ANK3: variants seen among roughly 807,000 people sequenced by gnomAD.
The protein encoded by ANK3 is ankyrin 3, also known as ankyrin-3.
A neutral mutation model predicts 370.9 loss-of-function variants in ANK3; 57 were observed. That is an observed-to-expected ratio of 0.15 (90% CI 0.12 to 0.19). ANK3 has a LOEUF of 0.19. Ranked by LOEUF, ANK3 falls within the 10% of genes least tolerant of loss-of-function variation. The probability of loss-of-function intolerance (pLI) is 1.00; values close to 1 mark genes in which losing one functional copy is unlikely to be tolerated. For missense variants in ANK3, 4,439 were observed against 5,302.1 expected, an observed-to-expected ratio of 0.84 and a Z score of 5.06; for synonymous variants, 1,929 against 1,946.3, an observed-to-expected ratio of 0.99 and a Z score of 0.23.
chr10:60,300,866 C>A (rs1224123615), intron 1 of ANK3, among the ~76,000 whole-genome samples: 2 of 152,020 alleles, frequency 1.3e-5, no homozygotes, highest in Non-Finnish European at 2.9e-5. Context: ...TAATTTCCTT[C>A]TCTGTATTAG....
intron 2 of ANK3, among the ~76,000 whole-genome samples, chr10:60,461,587 G>A (rs1324033926): frequency 7.2e-5 from 11 of 152,094 alleles, no homozygotes; most frequent in Admixed American, 7.2e-4. Context: ...TCGTCTAGGT[G>A]TATGCCCTGA....
intron 6 of ANK3, among the ~76,000 whole-genome samples, chr10:60,262,890 G>T (rs1292628887): frequency 6.6e-6 from 1 of 152,154 alleles, no homozygotes. Context: ...AAGAGTCAAG[G>T]ATTCCTCATC....
intron 1 of ANK3, among the ~76,000 whole-genome samples, chr10:60,616,666 T>A (rs1277185161): frequency 1.3e-5 from 2 of 152,042 alleles, no homozygotes; most frequent in Non-Finnish European, 2.9e-5. Flanking sequence ...ACAAAAATCT[T>A]GACTTTACAT....
At chr10:60,224,461 G>A (rs74730857) in intron 8 of ANK3, among the ~76,000 whole-genome samples, 6,390 of 152,050 alleles carry the variant, frequency 0.042, 450 homozygotes, top group African/African-American at 0.14. Context: ...AAGACTTTCC[G>A]GTCTGATTTT....
In ANK3 at chr10:60,620,732, G is replaced by T. The variant is rs1010680087; in HGVS notation, c.58-5508C>A. Reference sequence around the variant, plus strand: ...TTGCTTTTTGTTCTTCTTTGAAGTGGCTTTTTTGTATTTAGCAATAACGCT... The same window carrying T: ...TTGCTTTTTGTTCTTCTTTGAAGTGTCTTTTTTGTATTTAGCAATAACGCT... On this transcript the variant is annotated intron_variant, in intron 1 of 43. Transcript: ENST00000373827. 2.6e-5 allele frequency among the ~76,000 whole-genome samples: 4 copies of T among 152,172 alleles called. No individual in the cohort carries two copies. In the South Asian group the frequency reaches 8.3e-4, roughly 32 times the overall value.
At chr10:60,708,439 T>A (rs2079650453) in intron 1 of ANK3, among the ~76,000 whole-genome samples, 1 of 152,162 alleles carries the variant, frequency 6.6e-6, no homozygotes, top group Admixed American at 6.5e-5. Flanking sequence ...ACATAAGCCC[T>A]GAAGAATGAG....
intron 2 of ANK3, among the ~76,000 whole-genome samples, chr10:60,556,356 G>A (rs2077207035): frequency 6.6e-6 from 1 of 151,904 alleles, no homozygotes; most frequent in South Asian, 2.1e-4. Context: ...TGGAACAGTT[G>A]ACATGTTGTG....
chr10:60,671,277 C>A (rs1335264164), intron 1 of ANK3, among the ~76,000 whole-genome samples: 1 of 152,198 alleles, frequency 6.6e-6, no homozygotes, highest in Non-Finnish European at 1.5e-5. Flanking sequence ...ATTTCAGTCA[C>A]CTTGGCCTCC....
intron 2 of ANK3, among the ~76,000 whole-genome samples, chr10:60,555,329 T>C (rs1458253967): frequency 6.6e-6 from 1 of 151,722 alleles, no homozygotes; most frequent in Non-Finnish European, 1.5e-5. Flanking sequence ...TAAAATTAGC[T>C]GGATGTGGTG....
At chr10:60,540,238 G>A (rs760943211) in intron 2 of ANK3, among the ~76,000 whole-genome samples, 2 of 151,884 alleles carry the variant, frequency 1.3e-5, no homozygotes, top group Middle Eastern at 3.4e-3. Flanking sequence ...TTGATGGGTC[G>A]AGATAATTGA....
At chr10:60,600,327 A>G (rs55849269) in intron 2 of ANK3, among the ~76,000 whole-genome samples, 18,461 of 152,168 alleles carry the variant, frequency 0.12, 1,586 homozygotes, top group East Asian at 0.27. Flanking sequence ...TCCTAATTCC[A>G]GATTTTGCTG....
At chr10:60,496,527 C>T (rs1938536) in intron 2 of ANK3, among the ~76,000 whole-genome samples, 17,442 of 151,506 alleles carry the variant, frequency 0.12, 1,127 homozygotes, top group South Asian at 0.17. Context: ...CATAACATTT[C>T]GTCTCTGGGG....
chr10:60,106,747 A>G (rs988148126), intron 27 of ANK3, among the ~76,000 whole-genome samples: 3 of 152,184 alleles, frequency 2.0e-5, no homozygotes, highest in Non-Finnish European at 4.4e-5. Flanking sequence ...TCCTTTTGCA[A>G]AGGAATGTAA....
intron 36 of ANK3, among the ~76,000 whole-genome samples, chr10:60,079,174 T>TACGCACACAC (rs2084529392): frequency 5.3e-5 from 6 of 113,770 alleles, no homozygotes; most frequent in Non-Finnish European, 1.1e-4. Flanking sequence ...GCTACCTAGC[T>TACGCACACAC]ACACACACAC....
At chr10:60,215,863 C>CT (rs1424052744) in intron 8 of ANK3, among the ~76,000 whole-genome samples, 19 of 152,008 alleles carry the variant, frequency 1.2e-4, no homozygotes, top group Non-Finnish European at 2.2e-4. Context: ...ATTTAAAATA[C>CT]TTTTTTTCTA....
At position 60,083,438 on chromosome 10, in the gene ANK3, T is replaced by C. The variant is rs1342382653; in HGVS notation, c.4200+54A>G. On this transcript the variant is annotated intron_variant, in intron 33 of 43. Coordinates refer to ENST00000280772, the MANE Select transcript of ANK3 (RefSeq NM_020987.5). The stretch of plus-strand genomic sequence containing the variant: ...TCATTAAAACCTTTTATTTTTATTC[T>C]CTAAGAGTATTTTTTCCCCATAATT... 5 of 1,549,120 alleles carry C rather than the reference T, an allele frequency of 3.2e-6. No homozygotes were observed. The Admixed American group carries it at 9.1e-5, about 28-fold the overall frequency.
chr10:60,493,279 G>A (rs1472367666), intron 2 of ANK3, among the ~76,000 whole-genome samples: 2 of 152,044 alleles, frequency 1.3e-5, no homozygotes, highest in East Asian at 3.9e-4. Context: ...ATATAACTTT[G>A]GGATGTTCTC....
At chr10:60,182,200 AT>A (rs2096213023) in intron 17 of ANK3, among the ~76,000 whole-genome samples, 1 of 151,934 alleles carries the variant, frequency 6.6e-6, no homozygotes, top group Non-Finnish European at 1.5e-5. Context: ...TGCTGATAAT[AT>A]TTTCTCCATA....
At chr10:60,451,625 T>G (rs79182278) in intron 2 of ANK3, among the ~76,000 whole-genome samples, 1 of 152,214 alleles carries the variant, frequency 6.6e-6, no homozygotes, top group East Asian at 1.9e-4. Flanking sequence ...TTCCTTAACA[T>G]CCCCAACTGC....
Sources: gnomAD v4.1 joint callset for allele counts (sites outside exome capture counted in the v4.1 genomes callset) on GRCh38, gnomAD v4.1.1 for gene constraint, MANE v1.5 for transcripts, NCBI Gene and HGNC (gene_info 2026-07-23, HGNC 2026-07-21) for gene names.